The following MRTFB variants were observed in gnomAD, a reference collection of about 807,000 sequenced individuals.
The protein encoded by MRTFB is myocardin related transcription factor B.
In MRTFB, 29 loss-of-function variants were observed where a neutral mutation model predicts 104.2. That is an observed-to-expected ratio of 0.28 (90% CI 0.21 to 0.38). The LOEUF (loss-of-function observed/expected upper bound fraction) is 0.38, where lower values mean the gene tolerates loss of function less well. Among genes scored for constraint, MRTFB ranks in the 10% least tolerant of loss-of-function variants. The pLI is 1.00. For missense variants in MRTFB, 1,270 were observed against 1,341.6 expected, an observed-to-expected ratio of 0.95 and a Z score of 0.83; for synonymous variants, 535 against 519.5, an observed-to-expected ratio of 1.03 and a Z score of -0.41.
chr16:14,249,606 C>T (rs901900959), intron 13 of MRTFB, among the ~76,000 whole-genome samples: 1 of 152,182 alleles, frequency 6.6e-6, no homozygotes, highest in Non-Finnish European at 1.5e-5. Flanking sequence ...ATTCACTTAC[C>T]TTCTCTGAGA....
At chr16:14,099,601 G>A (rs371372817) in intron 2 of MRTFB, among the ~76,000 whole-genome samples, 1 of 151,314 alleles carries the variant, frequency 6.6e-6, no homozygotes, top group African/African-American at 2.4e-5. Flanking sequence ...TATCTACCTC[G>A]GCCTTCCAAA....
At chr16:14,111,050 G>A (rs934898216) in intron 2 of MRTFB, among the ~76,000 whole-genome samples, 7 of 152,010 alleles carry the variant, frequency 4.6e-5, no homozygotes, top group Admixed American at 1.3e-4. Context: ...TAACAATACC[G>A]ATTTTTTGCT....
At chr16:14,133,417 C>T (rs564490493) in intron 2 of MRTFB, among the ~76,000 whole-genome samples, 2 of 152,316 alleles carry the variant, frequency 1.3e-5, no homozygotes, top group East Asian at 3.9e-4. Context: ...AATTAGGGGA[C>T]TCATGGTCCC....
At chr16:14,259,027 T>TAGC (rs2043638312) in intron 16 of MRTFB, among the ~76,000 whole-genome samples, 1 of 152,252 alleles carries the variant, frequency 6.6e-6, no homozygotes, top group Non-Finnish European at 1.5e-5. Flanking sequence ...TCTCCATTTA[T>TAGC]AGCAGGTATT....
intron 2 of MRTFB, among the ~76,000 whole-genome samples, chr16:14,112,597 C>T (rs887782966): frequency 6.6e-6 from 1 of 152,250 alleles, no homozygotes; most frequent in Non-Finnish European, 1.5e-5. Context: ...CCACCACAGT[C>T]TGTTCTTCAC....
At chr16:14,125,442 C>G (rs1199632711) in intron 2 of MRTFB, among the ~76,000 whole-genome samples, 3 of 152,240 alleles carry the variant, frequency 2.0e-5, no homozygotes, top group Admixed American at 6.5e-5. Flanking sequence ...GCCTGGCAAA[C>G]AGATTCTGCT....
At chr16:14,239,700 TGTA>T (rs1567204727) in intron 9 of MRTFB, among the ~76,000 whole-genome samples, 1 of 152,166 alleles carries the variant, frequency 6.6e-6, no homozygotes, top group African/African-American at 2.4e-5. Flanking sequence ...AAAGGAAAAA[TGTA>T]GTATTTGAAA....
At chr16:14,032,157 G>A in the MRTFB span, among the ~76,000 whole-genome samples, 2 of 152,186 alleles carry the variant, frequency 1.3e-5, no homozygotes, top group Admixed American at 1.3e-4. Context: ...GCGTCAGGAT[G>A]GGGGCTGGCT....
At chr16:14,015,058 T>C in the MRTFB span, among the ~76,000 whole-genome samples, 5 of 152,210 alleles carry the variant, frequency 3.3e-5, no homozygotes, top group Non-Finnish European at 4.4e-5. Context: ...TGTTTGGTTT[T>C]CTGAGTGTTT....
intron 2 of MRTFB, among the ~76,000 whole-genome samples, chr16:14,091,994 CAAAAAAAAAA>C (rs10523985): frequency 1.5e-4 from 12 of 82,072 alleles, no homozygotes; most frequent in Non-Finnish European, 2.8e-4. Flanking sequence ...GACTTCATCT[CAAAAAAAAAA>C]AAAAAAAAAA....
chr16:14,040,758 C>T, the MRTFB span, among the ~76,000 whole-genome samples: 1 of 152,108 alleles, frequency 6.6e-6, no homozygotes, highest in African/African-American at 2.4e-5. Context: ...CCACCGCACC[C>T]GGCCTATTAC....
the MRTFB span, among the ~76,000 whole-genome samples, chr16:14,051,099 C>G: frequency 1.3e-5 from 2 of 151,984 alleles, no homozygotes; most frequent in African/African-American, 2.4e-5. Flanking sequence ...CACCTGGACA[C>G]ACACAAACTC....
At chr16:14,018,292 G>GA in the MRTFB span, among the ~76,000 whole-genome samples, 1 of 151,884 alleles carries the variant, frequency 6.6e-6, no homozygotes, top group African/African-American at 2.4e-5. Flanking sequence ...TCCCCAATTA[G>GA]AAAAAAGGGA....
chr16:14,205,628 A>G (rs2040906554), intron 3 of MRTFB, among the ~76,000 whole-genome samples: 1 of 152,220 alleles, frequency 6.6e-6, no homozygotes, highest in Non-Finnish European at 1.5e-5. Context: ...TTCTTTGAAA[A>G]TGTTCAAATG....
chr16:14,234,036 G>T, intron 8 of MRTFB, 110 bp from the exon 9 acceptor site: 3 of 1,355,772 alleles, frequency 2.2e-6, no homozygotes, highest in Admixed American at 2.1e-5. Context: ...TTTTTCCTTT[G>T]CTTCTTTTCT....
intron 2 of MRTFB, among the ~76,000 whole-genome samples, chr16:14,128,621 G>T (rs535661685): frequency 1.3e-5 from 2 of 152,258 alleles, no homozygotes; most frequent in East Asian, 1.9e-4. Context: ...ACAGATCTTA[G>T]ATATCTTTCC....
At chr16:14,038,904 T>C in the MRTFB span, among the ~76,000 whole-genome samples, 2 of 152,150 alleles carry the variant, frequency 1.3e-5, no homozygotes, top group Non-Finnish European at 2.9e-5. Flanking sequence ...ACATCTTACA[T>C]GGCAGCAGGC....
intron 8 of MRTFB, among the ~76,000 whole-genome samples, chr16:14,226,105 A>G (rs989989681): frequency 1.3e-5 from 2 of 152,186 alleles, no homozygotes; most frequent in Admixed American, 6.5e-5. Flanking sequence ...AAACACAGAC[A>G]TCCTGTGTTC....
chr16:14,158,478 A>T lies in MRTFB; in HGVS notation c.154+17718A>T, dbSNP rs183326222. Among the ~76,000 whole-genome samples the T allele has an allele frequency of 1.6e-4, 25 of 152,332 alleles. No homozygotes were observed. The East Asian group carries it at 3.7e-3, about 22-fold the overall frequency. On this transcript the variant is annotated intron_variant, in intron 3 of 16. Coordinates refer to ENST00000571589, the MANE Select transcript of MRTFB (RefSeq NM_001308142.2). ...AATAATGCAAAACACCCAGCTAGCT[A>T]ATGAGGTATAAAGTTTTAAAGTATA...
Sources: allele counts gnomAD v4.1 joint callset (sites outside exome capture counted in the v4.1 genomes callset), GRCh38; gene constraint gnomAD v4.1.1; transcripts MANE v1.5; gene names NCBI Gene and HGNC (gene_info 2026-07-23, HGNC 2026-07-21).